Variants in VWA8 observed in about 807,000 individuals in gnomAD.
VWA8 encodes the protein von Willebrand factor A domain-containing protein 8.
In VWA8, 221 loss-of-function variants were observed where a neutral mutation model predicts 241.5. The observed-to-expected ratio is 0.91, with a 90% CI of 0.82 to 1.02. The LOEUF is 1.02. Among genes scored for constraint, VWA8 ranks in the 50% least tolerant of loss-of-function variants. The pLI, the probability that VWA8 is intolerant of heterozygous loss-of-function variation, is 0.00. For synonymous variants in VWA8, 852 were observed against 827.1 expected, an observed-to-expected ratio of 1.03 and a Z score of -0.52; for missense variants, 2,322 against 2,328.7, an observed-to-expected ratio of 1.00 and a Z score of 0.06.
At chr13:41,898,643 C>T (rs1379809994) in intron 4 of VWA8, among the ~76,000 whole-genome samples, 1 of 152,222 alleles carries the variant, frequency 6.6e-6, no homozygotes, top group African/African-American at 2.4e-5. Flanking sequence ...GGCATTCGTC[C>T]GGGAGGCTCG....
chr13:41,647,376 C>T (rs1480805853), intron 37 of VWA8, among the ~76,000 whole-genome samples: 4 of 152,100 alleles, frequency 2.6e-5, no homozygotes, highest in Non-Finnish European at 1.5e-5. Flanking sequence ...TGAACAGTTA[C>T]ATTAACACAC....
At chr13:41,593,576 A>G (rs149912623) in intron 40 of VWA8, among the ~76,000 whole-genome samples, 1 of 152,326 alleles carries the variant, frequency 6.6e-6, no homozygotes, top group Non-Finnish European at 1.5e-5. Context: ...ATTGGGACTT[A>G]GCTCTTATCT....
intron 37 of VWA8, among the ~76,000 whole-genome samples, chr13:41,666,524 G>A (rs1027620960): frequency 6.6e-6 from 1 of 152,148 alleles, no homozygotes; most frequent in African/African-American, 2.4e-5. Context: ...ATCAGCCTAT[G>A]AGAGATAACT....
intron 17 of VWA8, among the ~76,000 whole-genome samples, chr13:41,791,320 T>C (rs1237771985): frequency 1.3e-5 from 2 of 151,860 alleles, no homozygotes; most frequent in East Asian, 3.9e-4. Context: ...AAAATAAGAA[T>C]TTTTTGTGGT....
intron 19 of VWA8, among the ~76,000 whole-genome samples, chr13:41,778,832 CTTTTTTTTT>C (rs71096543): frequency 4.8e-5 from 4 of 82,674 alleles, no homozygotes; most frequent in East Asian, 6.9e-4. Context: ...CAGTACGTCA[CTTTTTTTTT>C]TTTTTTTTTT....
At chr13:41,917,520 T>A (rs1189919396) in intron 2 of VWA8, among the ~76,000 whole-genome samples, 2 of 152,234 alleles carry the variant, frequency 1.3e-5, no homozygotes, top group Non-Finnish European at 2.9e-5. Context: ...TAATACTTAT[T>A]GAGTATGGTT....
chr13:41,735,146 A>G (rs2045515220), intron 21 of VWA8, among the ~76,000 whole-genome samples: 1 of 152,184 alleles, frequency 6.6e-6, no homozygotes, highest in South Asian at 2.1e-4. Context: ...GTTCACACAG[A>G]TTGTTATAGT....
intron 20 of VWA8, among the ~76,000 whole-genome samples, chr13:41,768,503 T>C (rs2045795092): frequency 1.3e-5 from 2 of 152,226 alleles, no homozygotes; most frequent in South Asian, 4.1e-4. Context: ...AAAATGTTCA[T>C]AGAGTCTTGC....
intron 18 of VWA8, among the ~76,000 whole-genome samples, chr13:41,784,387 A>C (rs1869040206): frequency 6.6e-6 from 1 of 152,086 alleles, no homozygotes; most frequent in Non-Finnish European, 1.5e-5. Flanking sequence ...ATTTTCAGCC[A>C]AGTGCAGTGG....
chr13:41,573,274 C>T (rs1010452213), intron 43 of VWA8, among the ~76,000 whole-genome samples: 10 of 150,560 alleles, frequency 6.6e-5, no homozygotes, highest in South Asian at 2.1e-4. Flanking sequence ...AAAAATTGGC[C>T]GGGCATGGTG....
At chr13:41,599,635 G>T (rs1407778499) in intron 40 of VWA8, among the ~76,000 whole-genome samples, 2 of 152,130 alleles carry the variant, frequency 1.3e-5, no homozygotes, top group Non-Finnish European at 2.9e-5. Context: ...GTTTCTACTA[G>T]AATTCTTCTT....
Position 41,752,671 on chromosome 13 carries a change from G to A in VWA8, c.2426+8457C>T, listed in dbSNP as rs541526181. ...ACTACTACAGTGCAAACCAATGTTT[G>A]ATAAGAAAGTAGGGTATACGGCAAG... On this transcript the variant is annotated intron_variant, in intron 21 of 44. Transcript: ENST00000379310. Among the ~76,000 whole-genome samples the A allele has an allele frequency of 2.0e-5, 3 of 152,312 alleles. No individual in the cohort carries two copies. In the East Asian group the frequency reaches 5.8e-4, roughly 29 times the overall value.
chr13:41,770,957 A>G (rs2045818433), intron 20 of VWA8, among the ~76,000 whole-genome samples: 1 of 151,240 alleles, frequency 6.6e-6, no homozygotes, highest in Admixed American at 6.6e-5. Flanking sequence ...TTATTAGACA[A>G]TAGTCATGTA....
intron 37 of VWA8, among the ~76,000 whole-genome samples, chr13:41,644,124 T>C (rs1397810278): frequency 6.6e-6 from 1 of 152,194 alleles, no homozygotes; most frequent in East Asian, 1.9e-4. Flanking sequence ...ACCCAGATTT[T>C]TTTTTAATTG....
intron 40 of VWA8, among the ~76,000 whole-genome samples, chr13:41,594,089 T>C (rs2044473165): frequency 6.6e-6 from 1 of 151,960 alleles, no homozygotes; most frequent in Non-Finnish European, 1.5e-5. Flanking sequence ...AAAGAGCCAC[T>C]GTAATGGCTA....
At chr13:41,685,440 G>A (rs993091704) in intron 34 of VWA8, among the ~76,000 whole-genome samples, 198 bp from the exon 35 acceptor site, 2 of 152,146 alleles carry the variant, frequency 1.3e-5, no homozygotes, top group Non-Finnish European at 2.9e-5. Context: ...TGGATCACTT[G>A]AGTTCAGGAG....
At chr13:41,854,337 C>T (rs1011698184) in intron 12 of VWA8, among the ~76,000 whole-genome samples, 1 of 151,934 alleles carries the variant, frequency 6.6e-6, no homozygotes, top group African/African-American at 2.4e-5. Context: ...CCTGACCAAC[C>T]AAAGGAACAC....
chr13:41,628,228 A>G (rs935538222), intron 37 of VWA8, among the ~76,000 whole-genome samples: 6 of 152,218 alleles, frequency 3.9e-5, no homozygotes, highest in African/African-American at 1.4e-4. Flanking sequence ...CCAGAGAGGT[A>G]GCAGAGAAAA....
intron 37 of VWA8, among the ~76,000 whole-genome samples, chr13:41,623,513 G>T (rs2044670624): frequency 6.6e-6 from 1 of 152,202 alleles, no homozygotes; most frequent in South Asian, 2.1e-4. Context: ...CTACTGTCTT[G>T]ATCTTCCTGA....
Sources: gnomAD v4.1 joint callset for allele counts (sites outside exome capture counted in the v4.1 genomes callset) on GRCh38, gnomAD v4.1.1 for gene constraint, MANE v1.5 for transcripts, NCBI Gene and HGNC (gene_info 2026-07-23, HGNC 2026-07-21) for gene names.